The following BCAS1 variants were observed in gnomAD, a reference collection of about 807,000 sequenced individuals.
BCAS1 encodes breast carcinoma-amplified sequence 1.
In BCAS1, 46 loss-of-function variants were observed where a neutral mutation model predicts 65.4. The observed-to-expected ratio is 0.70, with a 90% CI of 0.55 to 0.90. The LOEUF is 0.90. BCAS1 is among the 40% of genes least tolerant of loss of function. The pLI is 0.00. For synonymous variants in BCAS1, 298 were observed against 293.5 expected, an observed-to-expected ratio of 1.02 and a Z score of -0.16; for missense variants, 793 against 771.2, an observed-to-expected ratio of 1.03 and a Z score of -0.33.
chr20:54,026,211 T>C (rs931021153), intron 4 of BCAS1, among the ~76,000 whole-genome samples: 1 of 152,204 alleles, frequency 6.6e-6, no homozygotes, highest in African/African-American at 2.4e-5. Flanking sequence ...TTGAAAATAT[T>C]ACACAAGGGC....
chr20:53,965,053 T>A (rs1018261657), intron 10 of BCAS1, among the ~76,000 whole-genome samples: 1 of 152,222 alleles, frequency 6.6e-6, no homozygotes, highest in Non-Finnish European at 1.5e-5. Flanking sequence ...TGGCATCATG[T>A]AAAAATTGGT....
chr20:54,028,576 G>A lies in BCAS1; in HGVS notation c.539C>T (p.Ala180Val). The change falls in exon 4 of 13, where the codon GCA (alanine) becomes GTA (valine). Residue 180 changes from alanine to valine, a missense_variant. Transcript: ENST00000688948. Reference protein sequence around the residue: ...PTLLPPETGGAGGEAPSKPKD... With the variant: ...PTLLPPETGGVGGEAPSKPKD... ...GGGCTTGGAGGGAGCTTCTCCTCCTGCTCCCCCTGTCTCAGGTGGGAGAAG... is the reference window on the plus strand; with the variant it reads ...GGGCTTGGAGGGAGCTTCTCCTCCTACTCCCCCTGTCTCAGGTGGGAGAAG... The A allele has an allele frequency of 6.2e-7, 1 of 1,614,146 alleles. No homozygotes were observed.
At chr20:54,066,913 T>C (rs1162840645) in intron 1 of BCAS1, among the ~76,000 whole-genome samples, 1 of 152,272 alleles carries the variant, frequency 6.6e-6, no homozygotes, top group Non-Finnish European at 1.5e-5. Context: ...TTTTAACTTT[T>C]CTATTTTCAT....
chr20:54,051,417 G>T (rs903826136), intron 3 of BCAS1, among the ~76,000 whole-genome samples: 1 of 152,138 alleles, frequency 6.6e-6, no homozygotes, highest in Non-Finnish European at 1.5e-5. Context: ...ACATGTATTG[G>T]GGGGAGGTGA....
At chr20:54,052,477 C>T (rs566168401) in intron 3 of BCAS1, among the ~76,000 whole-genome samples, 2 of 152,132 alleles carry the variant, frequency 1.3e-5, no homozygotes, top group African/African-American at 2.4e-5. Flanking sequence ...TCTGCTATAG[C>T]CTGAATGTGT....
At position 54,003,410 on chromosome 20, in the gene BCAS1, T is replaced by C. The variant is rs73914469; in HGVS notation, c.724-7360A>G. ...CCCTTTTGAAATCTATTCTTCACGA[T>C]TGGAATCAAGTCTCCCTCTCCCACC... On this transcript the variant is annotated intron_variant, in intron 4 of 12. Coordinates refer to ENST00000688948, the MANE Select transcript of BCAS1 (RefSeq NM_001366298.2). Among the ~76,000 whole-genome samples, 789 of 152,250 alleles carry C rather than the reference T, an allele frequency of 5.2e-3. 9 individuals carry two copies. Among genetic ancestry groups the C allele is most frequent in the African/African-American group, 0.018 (762 of 41,516 alleles).
intron 3 of BCAS1, among the ~76,000 whole-genome samples, chr20:54,041,318 T>C (rs1465619845): frequency 6.6e-6 from 1 of 151,346 alleles, no homozygotes; most frequent in African/African-American, 2.4e-5. Flanking sequence ...GTGAATTTTA[T>C]GGTAGGTGAA....
intron 3 of BCAS1, among the ~76,000 whole-genome samples, chr20:54,042,648 G>A (rs1484299781): frequency 2.6e-5 from 4 of 152,146 alleles, no homozygotes; most frequent in Non-Finnish European, 5.9e-5. Flanking sequence ...TGGGGCTTGG[G>A]GAGCCATCAG....
chr20:53,954,551 T>C (rs773613703), intron 11 of BCAS1, among the ~76,000 whole-genome samples: 3 of 152,224 alleles, frequency 2.0e-5, no homozygotes, highest in African/African-American at 4.8e-5. Context: ...AAAGAGATGA[T>C]TGTTTTATTA....
intron 4 of BCAS1, among the ~76,000 whole-genome samples, chr20:54,006,026 TTTGGGC>T (rs1454039036): frequency 1.3e-5 from 2 of 152,146 alleles, no homozygotes; most frequent in African/African-American, 4.8e-5. Context: ...ATGGAAGGTG[TTTGGGC>T]TCAGGCAGCC....
chr20:54,049,699 C>T (rs2092177106), intron 3 of BCAS1, among the ~76,000 whole-genome samples: 1 of 152,140 alleles, frequency 6.6e-6, no homozygotes, highest in African/African-American at 2.4e-5. Flanking sequence ...AGCCACTGCA[C>T]CCATCCCAAT....
intron 3 of BCAS1, among the ~76,000 whole-genome samples, chr20:54,043,157 C>T (rs1403584879): frequency 1.3e-5 from 2 of 152,210 alleles, no homozygotes; most frequent in Non-Finnish European, 2.9e-5. Flanking sequence ...GGTAACATCC[C>T]ACCACTGTCC....
intron 4 of BCAS1, among the ~76,000 whole-genome samples, chr20:54,026,502 T>A (rs192345636): frequency 6.6e-6 from 1 of 152,304 alleles, no homozygotes; most frequent in East Asian, 1.9e-4. Flanking sequence ...TTTGGATGAG[T>A]CACCGGACAC....
chr20:53,986,619 G>A (rs932192477), intron 7 of BCAS1, among the ~76,000 whole-genome samples: 3 of 152,138 alleles, frequency 2.0e-5, no homozygotes, highest in South Asian at 2.1e-4. Context: ...GGTATGGGCC[G>A]GGTGTGGTGG....
Position 54,017,113 on chromosome 20 carries a change from AG to A in BCAS1, c.723+11278del, listed in dbSNP as rs544055215. On this transcript the variant is annotated intron_variant, in intron 4 of 12. Transcript: ENST00000688948. ...CATTGTCTGTTGTTCACATAGGGGG[AG>A]GGGGGAAAGAAATCTATCTAAGAAA... Among the ~76,000 whole-genome samples the A allele has an allele frequency of 4.6e-5, 7 of 152,108 alleles. No individual in the cohort carries two copies. In the East Asian group the frequency reaches 1.4e-3, roughly 29 times the overall value.
At chr20:53,975,258 A>C (rs1050031972) in intron 9 of BCAS1, 131 bp downstream of exon 9, 6 of 711,014 alleles carry the variant, frequency 8.4e-6, no homozygotes, top group Middle Eastern at 3.7e-4. Context: ...ATACGGGATA[A>C]GAGAGTCTAC....
chr20:54,040,755 G>A lies in BCAS1; in HGVS notation c.143-11783C>T, dbSNP rs373574907. On this transcript the variant is annotated intron_variant, in intron 3 of 12. Transcript: ENST00000688948. ...ATTGCTGGTAGGAATGTGACATGGTGCAGCTGCTTTGGAAAGCAGTTTAAC... is the reference window on the plus strand; with the variant it reads ...ATTGCTGGTAGGAATGTGACATGGTACAGCTGCTTTGGAAAGCAGTTTAAC... Among the ~76,000 whole-genome samples, 8 of 151,248 alleles carry A rather than the reference G, an allele frequency of 5.3e-5. 1 individual carries two copies. The South Asian group carries it at 1.7e-3, about 32-fold the overall frequency.
chr20:53,974,897 G>A (rs1248205057), intron 9 of BCAS1, among the ~76,000 whole-genome samples: 1 of 152,190 alleles, frequency 6.6e-6, no homozygotes, highest in African/African-American at 2.4e-5. Context: ...CTCAGAGGTA[G>A]ACCCGTCAAG....
intron 4 of BCAS1, among the ~76,000 whole-genome samples, chr20:53,998,198 C>T (rs1354464167): frequency 2.0e-5 from 3 of 152,054 alleles, no homozygotes; most frequent in Admixed American, 1.3e-4. Context: ...AGTGTCTGGA[C>T]AAGCAGTATA....
Sources: gnomAD v4.1 joint callset for allele counts (sites outside exome capture counted in the v4.1 genomes callset) on GRCh38, gnomAD v4.1.1 for gene constraint, MANE v1.5 for transcripts, NCBI Gene and HGNC (gene_info 2026-07-23, HGNC 2026-07-21) for gene names.